The following NHLH1 variants were observed in gnomAD, a reference collection of about 807,000 sequenced individuals.
The protein encoded by NHLH1 is helix-loop-helix protein 1.
NHLH1 carries 3 observed loss-of-function variants against 6.7 expected under a neutral mutation model. The ratio of observed to expected loss-of-function variants is 0.44; its 90% CI spans 0.20 to 1.15. The LOEUF (loss-of-function observed/expected upper bound fraction) is 1.15, where lower values mean the gene tolerates loss of function less well. Ranked by LOEUF, NHLH1 falls within the 50% of genes most tolerant of loss-of-function variation. The probability of loss-of-function intolerance (pLI) is 0.26; values close to 1 mark genes in which losing one functional copy is unlikely to be tolerated. For missense variants in NHLH1, 177 were observed against 189.5 expected (o/e 0.93, Z 0.39); for synonymous variants, 92 against 84.2 (o/e 1.09, Z -0.51).
chr1:160,371,324 A>G lies in NHLH1; in HGVS notation c.*191A>G. On this transcript the variant is annotated 3_prime_UTR_variant, in exon 2 of 2. Transcript: ENST00000302101. ...CTCTGACCCAGGCACCTCGAGGGCT[A>G]TTCTCCTGGGTTCCTTCCGGGGTTT... The G allele has an allele frequency of 8.0e-6, 7 of 869,914 alleles. No individual in the cohort carries two copies. The highest frequency in any genetic ancestry group is 1.2e-5 in the Non-Finnish European group (7 of 591,956). The allele number at this position is 869,914 out of a possible 1,614,324, so 53.9% of individuals were successfully genotyped here.
rs1649603827 is a variant in NHLH1, at chr1:160,370,743, C to T, written c.12C>T (p.Asn4=). 6.2e-7 allele frequency: 1 copy of T among 1,612,982 alleles called. No homozygotes were observed. The highest frequency in any genetic ancestry group is 1.1e-5 in the South Asian group (1 of 90,998). MML[N]SDTMELDLPP... is the part of the protein sequence containing the mutation. ...AGGGGGCTTCCATCATGATGCTCAA[C>T]TCAGACACCATGGAGCTGGACCTGC... Residue 4 remains asparagine, a synonymous_variant, in exon 2 of 2, where the codon AAC becomes AAT. Coordinates refer to ENST00000302101, the MANE Select transcript of NHLH1 (RefSeq NM_005598.4).
chr1:160,368,705 T>C lies in NHLH1; in HGVS notation c.-176+1368T>C, dbSNP rs541689355. Among the ~76,000 whole-genome samples the C allele has an allele frequency of 1.7e-3, 255 of 152,262 alleles. 2 individuals carry two copies. Among genetic ancestry groups the C allele is most frequent in the South Asian group, 6.2e-3 (30 of 4,828 alleles). ...AACTGGGAGGGGAGCTGTGCAGAGC[T>C]GGGGCAGCTGCGCAGAGCTCCATAT... is the stretch of plus-strand genomic sequence containing the variant. On this transcript the variant is annotated intron_variant, in intron 1 of 1. Transcript: ENST00000302101.
Position 160,371,054 on chromosome 1 carries a change from A to G in NHLH1, c.323A>G (p.Asp108Gly). The change falls in exon 2 of 2, where the codon GAC (aspartate) becomes GGC (glycine). Residue 108 changes from aspartate (D) to glycine (G), a missense_variant. By Grantham distance (94) the Asp-to-Gly change is moderately conservative. Transcript: ENST00000302101. ...LRKLLPTLPP[D>G]KKLSKIEILR... is the part of the protein sequence containing the mutation. Reference sequence around the variant, plus strand: ...AAGCTGCTGCCTACGCTGCCCCCCGACAAGAAGCTCTCCAAGATTGAGATT... The same window carrying G: ...AAGCTGCTGCCTACGCTGCCCCCCGGCAAGAAGCTCTCCAAGATTGAGATT... The G allele has an allele frequency of 6.2e-7, 1 of 1,613,992 alleles. No individual in the cohort carries two copies. The highest frequency in any genetic ancestry group is 1.1e-5 in the South Asian group (1 of 91,076).
intron 1 of NHLH1, among the ~76,000 whole-genome samples, chr1:160,368,825 C>T (rs1421497337): frequency 6.6e-6 from 1 of 152,130 alleles, no homozygotes; most frequent in Non-Finnish European, 1.5e-5. Context: ...GGGAGGGGAC[C>T]ACAGGGCCAA....
intron 1 of NHLH1, 130 bp from the exon 2 acceptor site, chr1:160,370,427 T>G: frequency 2.7e-5 from 2 of 74,504 alleles, no homozygotes; most frequent in South Asian, 3.0e-4. Flanking sequence ...CCCCCACCAG[T>G]TTCTGCTGTT....
At position 160,372,607 on chromosome 1, in the gene NHLH1, C is replaced by T. The variant is rs1457375080; in HGVS notation, c.*1474C>T. 6 of 167,084 alleles carry T rather than the reference C, an allele frequency of 3.6e-5. No individual in the cohort carries two copies. Among genetic ancestry groups the T allele is most frequent in the Non-Finnish European group, 1.5e-5 (1 of 68,264 alleles). The allele number at this position is 167,084 out of a possible 1,614,324, so 10.4% of individuals were successfully genotyped here. ...CACTCTAGTCCTCCAGGATAGTGCT[C>T]CTCCCCCAGCTCCAGGGCTCCTGGA... On this transcript the variant is annotated 3_prime_UTR_variant, in exon 2 of 2. Coordinates refer to ENST00000302101, the MANE Select transcript of NHLH1 (RefSeq NM_005598.4).
intron 1 of NHLH1, among the ~76,000 whole-genome samples, chr1:160,367,897 G>T (rs991292645): frequency 3.3e-5 from 5 of 152,128 alleles, no homozygotes; most frequent in Non-Finnish European, 5.9e-5. Context: ...AACATGTACT[G>T]GGAGGTGCTG....
At chr1:160,370,249 G>T (rs944814567) in intron 1 of NHLH1, among the ~76,000 whole-genome samples, 2 of 152,092 alleles carry the variant, frequency 1.3e-5, no homozygotes, top group African/African-American at 4.8e-5. Context: ...ATGGTTTTAA[G>T]TCTTTAATCC....
chr1:160,371,209 T>TC lies in NHLH1; in HGVS notation c.*80dup, dbSNP rs1180461948. The TC allele has an allele frequency of 6.6e-7, 1 of 1,521,884 alleles. No homozygotes were observed. The highest frequency in any genetic ancestry group is 8.8e-7 in the Non-Finnish European group (1 of 1,137,224). The allele number at this position is 1,521,884 out of a possible 1,614,324, so 94.3% of individuals were successfully genotyped here. ...CTCACTGCTTAGAAAGGCCGCATCC[T>TC]CCCCGAGCCCTTATACCTTGGCATG... On this transcript the variant is annotated 3_prime_UTR_variant, in exon 2 of 2. Coordinates refer to ENST00000302101, the MANE Select transcript of NHLH1 (RefSeq NM_005598.4).
intron 1 of NHLH1, 129 bp downstream of exon 1, chr1:160,367,466 C>G (rs552124121): frequency 6.5e-6 from 1 of 152,972 alleles, no homozygotes; most frequent in East Asian, 1.9e-4. Flanking sequence ...CCGCGTGTCC[C>G]TCTTCTCCAC....
chr1:160,370,645 TC>T lies in NHLH1; in HGVS notation c.-85del. On this transcript the variant is annotated 5_prime_UTR_variant, in exon 2 of 2. Coordinates refer to ENST00000302101, the MANE Select transcript of NHLH1 (RefSeq NM_005598.4). ...AGACCCCACGACCCTTCCTCCCCCT[TC>T]CTCCCCCTCCCACCACCAGCTTTCA... 1 of 1,394,968 alleles carries T rather than the reference TC, an allele frequency of 7.2e-7. No homozygotes were observed. Among genetic ancestry groups the T allele is most frequent in the East Asian group, 2.4e-5 (1 of 42,330 alleles). The allele number at this position is 1,394,968 out of a possible 1,614,324, so 86.4% of individuals were successfully genotyped here. A position where few individuals can be genotyped will look rare whatever the true frequency, so the allele number is the denominator to read the frequency against.
intron 1 of NHLH1, among the ~76,000 whole-genome samples, chr1:160,367,723 C>T (rs774695065): frequency 1.1e-4 from 17 of 151,734 alleles, no homozygotes; most frequent in African/African-American, 1.5e-4. Context: ...ATGGGGAGCA[C>T]GGAGAGGGGA....
At chr1:160,368,524 A>G (rs1012663450) in intron 1 of NHLH1, among the ~76,000 whole-genome samples, 3 of 152,168 alleles carry the variant, frequency 2.0e-5, no homozygotes, top group African/African-American at 7.2e-5. Context: ...AGCCTCCAAA[A>G]GGGCCAGGGA....
chr1:160,370,847 G>A lies in NHLH1; in HGVS notation c.116G>A (p.Gly39Asp), dbSNP rs1181713110. 2 of 1,606,492 alleles carry A rather than the reference G, an allele frequency of 1.2e-6. No homozygotes were observed. The highest frequency in any genetic ancestry group is 8.5e-7 in the Non-Finnish European group (1 of 1,177,148). The change falls in exon 2 of 2, where the codon GGT becomes GAT. Residue 39 changes from glycine (G) to aspartate (D), a missense_variant. Transcript: ENST00000302101. ...GGCCCTGATGGTGCCGGGCCTGGGG[G>A]TCCGGGAGGGGGCCAGGCCCGAGGC... ...GAGPDGAGPG[G>D]PGGGQARGPE... is the part of the protein sequence containing the mutation.
chr1:160,370,689 G>T lies in NHLH1; in HGVS notation c.-43G>T. On this transcript the variant is annotated 5_prime_UTR_variant, in exon 2 of 2. Coordinates refer to ENST00000302101, the MANE Select transcript of NHLH1 (RefSeq NM_005598.4). ...AGCTTTCAAGCTCCCAGAGGGAGGG[G>T]TGGGGAGGGGATCCTGATCTCACAG... 6.3e-7 allele frequency: 1 copy of T among 1,597,228 alleles called. No individual in the cohort carries two copies. Among genetic ancestry groups the T allele is most frequent in the Non-Finnish European group, 8.5e-7 (1 of 1,170,368 alleles).
intron 1 of NHLH1, among the ~76,000 whole-genome samples, chr1:160,368,272 G>C (rs746550428): frequency 1.3e-5 from 2 of 152,176 alleles, no homozygotes; most frequent in Non-Finnish European, 2.9e-5. Flanking sequence ...GTGGCCCACT[G>C]TTCCCCTTTA....
Position 160,372,189 on chromosome 1 carries a change from AC to A in NHLH1, c.*1057del, listed in dbSNP as rs1432411757. 1.8e-5 allele frequency: 3 copies of A among 166,438 alleles called. No homozygotes were observed. The highest frequency in any genetic ancestry group is 2.9e-5 in the Non-Finnish European group (2 of 67,988). The allele number at this position is 166,438 out of a possible 1,614,324, so 10.3% of individuals were successfully genotyped here. ...AAGAGACCCCCAACTCTGCGCCCCT[AC>A]TCCATGCTGCTGATCCCCACCTGCG... On this transcript the variant is annotated 3_prime_UTR_variant, in exon 2 of 2. Transcript: ENST00000302101.
chr1:160,371,104 TC>T lies in NHLH1; in HGVS notation c.375del (p.Tyr126ThrfsTer2). 1 of 1,612,904 alleles carries T rather than the reference TC, an allele frequency of 6.2e-7. No individual in the cohort carries two copies. ...TCTGCGCCTGGCCATCTGCTATATCTCCTACCTGAACCACGTGCTGGACGTC... is the reference window on the plus strand; with the variant it reads ...TCTGCGCCTGGCCATCTGCTATATCTCTACCTGAACCACGTGCTGGACGTC... ...EILRLAICYISYLNHVLDV is the reference protein window; with the variant it reads ...EILRLAICYIXYLNHVLDV On this transcript the variant is annotated frameshift_variant, in exon 2 of 2. Coordinates refer to ENST00000302101, the MANE Select transcript of NHLH1 (RefSeq NM_005598.4). LOFTEE classifies it high-confidence loss of function.
chr1:160,367,501 T>G (rs1193073168), intron 1 of NHLH1, among the ~76,000 whole-genome samples, 164 bp downstream of exon 1: 1 of 152,164 alleles, frequency 6.6e-6, no homozygotes, highest in African/African-American at 2.4e-5. Flanking sequence ...TCTTTGTGCC[T>G]ATCTATCCTC....
Sources: allele counts gnomAD v4.1 joint callset (sites outside exome capture counted in the v4.1 genomes callset), GRCh38; gene constraint gnomAD v4.1.1; transcripts MANE v1.5; gene names NCBI Gene and HGNC (gene_info 2026-07-23, HGNC 2026-07-21).